Variants in ATG10 observed in about 807,000 individuals in gnomAD.
ATG10 encodes ubiquitin-like-conjugating enzyme ATG10.
Under a neutral mutation model 32.1 loss-of-function variants are expected in ATG10, and 30 were observed. The ratio of observed to expected loss-of-function variants is 0.94; its 90% CI spans 0.70 to 1.27. The LOEUF is 1.27. Ranked by LOEUF, ATG10 falls within the 50% of genes most tolerant of loss-of-function variation. ATG10 has a pLI of 0.00. For missense variants in ATG10, 233 were observed against 262.3 expected, an observed-to-expected ratio of 0.89 and a Z score of 0.77; for synonymous variants, 87 against 91.5, an observed-to-expected ratio of 0.95 and a Z score of 0.28.
intron 3 of ATG10, among the ~76,000 whole-genome samples, chr5:82,108,992 C>T (rs1281004394): frequency 1.3e-5 from 2 of 151,750 alleles, no homozygotes; most frequent in Non-Finnish European, 2.9e-5. Context: ...GGATTTGGAG[C>T]CGAAGAAAAG....
At chr5:82,085,628 TAAAGTATAACAAAAAA>T (rs1764655311) in intron 3 of ATG10, among the ~76,000 whole-genome samples, 1 of 151,160 alleles carries the variant, frequency 6.6e-6, no homozygotes, top group South Asian at 2.1e-4. Context: ...CCCTAGAACT[TAAAGTATAACAAAAAA>T]AAAAGAAAAT....
chr5:82,054,341 A>G (rs1763521842), intron 2 of ATG10, among the ~76,000 whole-genome samples: 1 of 152,170 alleles, frequency 6.6e-6, no homozygotes, highest in Non-Finnish European at 1.5e-5. Context: ...TATGTTTTAA[A>G]TGCAGAATCA....
At chr5:82,008,957 A>G (rs571951066) in intron 2 of ATG10, among the ~76,000 whole-genome samples, 133 of 152,344 alleles carry the variant, frequency 8.7e-4, no homozygotes, top group African/African-American at 2.8e-3. Context: ...CCATCTCAGC[A>G]TGATAGCTCA....
At chr5:82,032,146 T>C (rs1762758095) in intron 2 of ATG10, among the ~76,000 whole-genome samples, 1 of 152,216 alleles carries the variant, frequency 6.6e-6, no homozygotes, top group Non-Finnish European at 1.5e-5. Context: ...GACAAATATA[T>C]GCTGTTTGCC....
At chr5:82,163,754 C>A (rs1581758913) in intron 3 of ATG10, among the ~76,000 whole-genome samples, 1 of 152,154 alleles carries the variant, frequency 6.6e-6, no homozygotes, top group Non-Finnish European at 1.5e-5. Context: ...CTATCATCAT[C>A]TCTGCTTACA....
chr5:82,029,491 C>T (rs922966449), intron 2 of ATG10, among the ~76,000 whole-genome samples: 1 of 152,080 alleles, frequency 6.6e-6, no homozygotes, highest in African/African-American at 2.4e-5. Flanking sequence ...TCAAGAATGT[C>T]AATTATGACA....
chr5:82,166,818 G>A (rs1307880184), intron 4 of ATG10, among the ~76,000 whole-genome samples: 1 of 151,828 alleles, frequency 6.6e-6, no homozygotes, highest in African/African-American at 2.4e-5. Flanking sequence ...CTTGCCCAGG[G>A]GTCTTTTTTT....
At chr5:82,147,903 C>T (rs976323217) in intron 3 of ATG10, 3 of 152,380 alleles carry the variant, frequency 2.0e-5, no homozygotes, top group African/African-American at 4.8e-5. Context: ...AACCAAATCA[C>T]TTGCTCCAGG....
chr5:82,174,889 T>C (rs1396456023), intron 4 of ATG10, among the ~76,000 whole-genome samples: 1 of 152,212 alleles, frequency 6.6e-6, no homozygotes, highest in African/African-American at 2.4e-5. Context: ...ATAGCCGTTA[T>C]GGGCCTAGAA....
chr5:82,004,989 C>G (rs1445150821), intron 2 of ATG10, among the ~76,000 whole-genome samples: 1 of 152,106 alleles, frequency 6.6e-6, no homozygotes, highest in Non-Finnish European at 1.5e-5. Flanking sequence ...CTTATCTGGA[C>G]CCTGACTCAA....
chr5:81,995,200 G>A (rs920060925), intron 2 of ATG10, among the ~76,000 whole-genome samples: 3 of 152,100 alleles, frequency 2.0e-5, no homozygotes, highest in African/African-American at 7.2e-5. Context: ...GCACGATCTC[G>A]ACTCACTGCA....
intron 5 of ATG10, among the ~76,000 whole-genome samples, chr5:82,238,800 T>C (rs1561373664): frequency 6.6e-6 from 1 of 152,134 alleles, no homozygotes; most frequent in Non-Finnish European, 1.5e-5. Context: ...GGGAGTAAAG[T>C]AGGAAGGCAT....
intron 4 of ATG10, among the ~76,000 whole-genome samples, chr5:82,170,010 A>G (rs1248022126): frequency 1.3e-5 from 2 of 152,212 alleles, no homozygotes; most frequent in Non-Finnish European, 2.9e-5. Flanking sequence ...ACTAAAGGAA[A>G]GGTGCTAAAG....
At chr5:82,181,604 T>G (rs761504554) in intron 5 of ATG10, among the ~76,000 whole-genome samples, 2 of 152,122 alleles carry the variant, frequency 1.3e-5, no homozygotes, top group Admixed American at 6.6e-5. Context: ...ATTGGTGGTG[T>G]TGAATAGTAG....
intron 1 of ATG10, among the ~76,000 whole-genome samples, chr5:81,986,102 G>T (rs2149665119): frequency 6.6e-6 from 1 of 152,076 alleles, no homozygotes; most frequent in South Asian, 2.1e-4. Flanking sequence ...TAGAGATGGG[G>T]TTTCACCGTG....
intron 4 of ATG10, 142 bp from the exon 5 acceptor site, chr5:82,178,348 A>T: frequency 1.9e-6 from 1 of 533,098 alleles, no homozygotes. Context: ...TAATTCATAT[A>T]GCACTCTCTT....
At chr5:81,979,846 CT>C (rs112144876) in intron 1 of ATG10, among the ~76,000 whole-genome samples, 3 of 147,808 alleles carry the variant, frequency 2.0e-5, no homozygotes, top group African/African-American at 4.9e-5. Context: ...TATTTTAAAT[CT>C]TTTTTTTTTT....
intron 3 of ATG10, among the ~76,000 whole-genome samples, chr5:82,091,579 T>G (rs942520518): frequency 2.6e-5 from 4 of 152,208 alleles, no homozygotes; most frequent in Non-Finnish European, 5.9e-5. Flanking sequence ...GGTAGCGAGA[T>G]CAGATTTAAT....
At chr5:82,035,946 C>G (rs751198383) in intron 2 of ATG10, among the ~76,000 whole-genome samples, 7 of 151,910 alleles carry the variant, frequency 4.6e-5, no homozygotes, top group Non-Finnish European at 1.0e-4. Context: ...GTCTTTTGCT[C>G]AGTGGCTTTG....
Sources: gnomAD v4.1 joint callset for allele counts (sites outside exome capture counted in the v4.1 genomes callset) on GRCh38, gnomAD v4.1.1 for gene constraint, MANE v1.5 for transcripts, NCBI Gene and HGNC (gene_info 2026-07-23, HGNC 2026-07-21) for gene names.